The following CHST4 variants were observed in gnomAD, a reference collection of about 807,000 sequenced individuals.
The protein encoded by CHST4 is carbohydrate sulfotransferase 4, also known as GST-3.
For synonymous variants in CHST4, 171 were observed against 195.5 expected, an observed-to-expected ratio of 0.87 and a Z score of 1.05; for missense variants, 466 against 506.0, an observed-to-expected ratio of 0.92 and a Z score of 0.76.
intron 1 of CHST4, among the ~76,000 whole-genome samples, chr16:71,535,076 C>T (rs2043977349): frequency 6.6e-6 from 1 of 152,194 alleles, no homozygotes; most frequent in Non-Finnish European, 1.5e-5. Context: ...CAGTATGAGA[C>T]AGTACGAATC....
intron 1 of CHST4, 168 bp from the exon 2 acceptor site, chr16:71,536,492 G>A (rs904682873): frequency 4.4e-5 from 19 of 436,344 alleles, no homozygotes; most frequent in African/African-American, 2.4e-4. Flanking sequence ...GTAAGGGACA[G>A]GAAATGATTT....
chr16:71,526,344 G>C (rs1213974025), upstream of CHST4: 1 of 152,180 alleles, frequency 6.6e-6, no homozygotes, highest in Non-Finnish European at 1.5e-5. Context: ...GCAGAAGGGA[G>C]GGACAGTGAA....
Position 71,538,130 on chromosome 16 carries a change from T to C in CHST4, c.*292T>C, listed in dbSNP as rs199747801. On this transcript the variant is annotated 3_prime_UTR_variant, in exon 2 of 2. Coordinates refer to ENST00000539698, the MANE Select transcript of CHST4 (RefSeq NM_001166395.2). ...GGCAGACTTCAGAGACTTTGTGGCCTGGAGGCCTATTAAGCACGACACAGT... is the reference window on the plus strand; with the variant it reads ...GGCAGACTTCAGAGACTTTGTGGCCCGGAGGCCTATTAAGCACGACACAGT... The C allele has an allele frequency of 1.2e-5, 5 of 431,532 alleles. No individual in the cohort carries two copies. The East Asian group carries it at 1.7e-4, about 15-fold the overall frequency. The allele number at this position is 431,532 out of a possible 1,614,324, so 26.7% of individuals were successfully genotyped here.
Position 71,537,791 on chromosome 16 carries a change from T to C in CHST4, c.1114T>C (p.Leu372=). The C allele has an allele frequency of 6.2e-7, 1 of 1,614,132 alleles. No individual in the cohort carries two copies. The highest frequency in any genetic ancestry group is 1.1e-5 in the South Asian group (1 of 91,086). Residue 372 remains leucine, a synonymous_variant, in exon 2 of 2, where the codon TTG becomes CTG. Transcript: ENST00000539698. This position sits in a 1 kb window ranked among gnomAD's most constrained non-coding sequence, Gnocchi z 4.2. ...ATCTGAACAAGAACAGAGAAACCTG[T>C]TGCTGGATCTTCTGTCTACCTGGAC... ...VRSEQEQRNL[L]LDLLSTWTVP...
At chr16:71,533,470 G>A (rs1044810863) in intron 1 of CHST4, among the ~76,000 whole-genome samples, 1 of 151,470 alleles carries the variant, frequency 6.6e-6, no homozygotes, top group Admixed American at 6.6e-5. Context: ...TGCTATGTGC[G>A]GCAAGTTGAG....
intron 1 of CHST4, among the ~76,000 whole-genome samples, chr16:71,535,459 C>T (rs2043980357): frequency 6.6e-6 from 1 of 152,172 alleles, no homozygotes. Context: ...AGGCATGAGC[C>T]ACTGCACCTG....
chr16:71,527,632 C>T (rs2043918228), intron 1 of CHST4, among the ~76,000 whole-genome samples: 1 of 152,110 alleles, frequency 6.6e-6, no homozygotes, highest in Admixed American at 6.5e-5. Flanking sequence ...CACCTGTAAT[C>T]CCAGCTACTC....
At chr16:71,530,708 A>G (rs1196979330) in intron 1 of CHST4, among the ~76,000 whole-genome samples, 2 of 152,006 alleles carry the variant, frequency 1.3e-5, no homozygotes, top group African/African-American at 4.8e-5. Flanking sequence ...CAGGAGTTCA[A>G]GGCTGCAGTG....
At chr16:71,533,981 G>A (rs895832312) in intron 1 of CHST4, among the ~76,000 whole-genome samples, 1 of 150,604 alleles carries the variant, frequency 6.6e-6, no homozygotes, top group Non-Finnish European at 1.5e-5. Flanking sequence ...GGAGGAGGTT[G>A]CAGTGAGCTG....
chr16:71,528,824 G>A (rs1270083791), intron 1 of CHST4, among the ~76,000 whole-genome samples: 1 of 152,100 alleles, frequency 6.6e-6, no homozygotes, highest in African/African-American at 2.4e-5. Flanking sequence ...ACCGATTTGG[G>A]GGACATCTAT....
At chr16:71,535,074 G>A (rs2043977330) in intron 1 of CHST4, among the ~76,000 whole-genome samples, 1 of 152,220 alleles carries the variant, frequency 6.6e-6, no homozygotes, top group South Asian at 2.1e-4. Flanking sequence ...GTCAGTATGA[G>A]ACAGTACGAA....
intron 1 of CHST4, among the ~76,000 whole-genome samples, chr16:71,531,544 T>C (rs2043948101): frequency 6.6e-6 from 1 of 152,100 alleles, no homozygotes; most frequent in African/African-American, 2.4e-5. Flanking sequence ...AACTAACACC[T>C]GGGAACAACT....
intron 1 of CHST4, among the ~76,000 whole-genome samples, chr16:71,526,999 A>C (rs1235573949): frequency 6.6e-6 from 1 of 152,178 alleles, no homozygotes; most frequent in African/African-American, 2.4e-5. Context: ...TTTATACCGG[A>C]TGAGCCAGTC....
chr16:71,532,149 G>A (rs1026174850), intron 1 of CHST4, among the ~76,000 whole-genome samples: 9 of 148,970 alleles, frequency 6.0e-5, no homozygotes, highest in Admixed American at 2.0e-4. Flanking sequence ...CTGGGTTCAC[G>A]CCGTTCTCCT....
intron 1 of CHST4, among the ~76,000 whole-genome samples, chr16:71,528,346 C>T (rs1173786225): frequency 1.3e-5 from 2 of 151,550 alleles, no homozygotes; most frequent in East Asian, 3.9e-4. Context: ...TAATATCTTG[C>T]TCAATCTTCC....
chr16:71,531,565 A>T (rs2043948333), intron 1 of CHST4, among the ~76,000 whole-genome samples: 1 of 152,182 alleles, frequency 6.6e-6, no homozygotes, highest in Admixed American at 6.5e-5. Context: ...GGGGGCAGTT[A>T]GGAGGCCCAG....
Position 71,537,486 on chromosome 16 carries a change from G to T in CHST4, c.809G>T (p.Arg270Leu), listed in dbSNP as rs752428702. ...IQSLPKALQE[R>L]YLLVRYEDLA... ...TCCTTGCCCAAGGCCCTGCAGGAAC[G>T]CTACCTGCTTGTGCGCTATGAGGAC... The change falls in exon 2 of 2, where the codon CGC becomes CTC. Residue 270 changes from arginine (R) to leucine (L), a missense_variant. By Grantham distance (102) the Arg-to-Leu change is moderately radical (BLOSUM62 -2). Coordinates refer to ENST00000539698, the MANE Select transcript of CHST4 (RefSeq NM_001166395.2). The surrounding 1 kb of genome is among the most constrained non-coding windows in gnomAD (Gnocchi z 4.2). 14 of 1,614,174 alleles carry T rather than the reference G, an allele frequency of 8.7e-6. No individual in the cohort carries two copies. The South Asian group carries it at 1.5e-4, about 18-fold the overall frequency.
intron 1 of CHST4, among the ~76,000 whole-genome samples, chr16:71,528,443 A>C (rs1331844134): frequency 6.6e-6 from 1 of 151,994 alleles, no homozygotes; most frequent in Non-Finnish European, 1.5e-5. Flanking sequence ...TTGAGCACCT[A>C]CTATGTGCCA....
chr16:71,530,612 A>G (rs1203398343), intron 1 of CHST4, among the ~76,000 whole-genome samples: 1 of 151,582 alleles, frequency 6.6e-6, no homozygotes, highest in Admixed American at 6.6e-5. Context: ...GTAAAAAATG[A>G]AAAAATTATC....
Sources: allele counts gnomAD v4.1 joint callset (sites outside exome capture counted in the v4.1 genomes callset), GRCh38; gene constraint gnomAD v4.1.1; non-coding constraint Gnocchi (gnomAD v3.1); transcripts MANE v1.5; gene names NCBI Gene and HGNC (gene_info 2026-07-23, HGNC 2026-07-21).